KLHL29: variants seen among roughly 807,000 people sequenced by gnomAD.
The protein encoded by KLHL29 is kelch-like protein 29.
Under a neutral mutation model 80.4 loss-of-function variants are expected in KLHL29, and 21 were observed. The observed-to-expected ratio is 0.26, with a 90% CI of 0.19 to 0.38. The LOEUF is 0.38. KLHL29 is among the 10% of genes least tolerant of loss of function. The pLI, the probability that KLHL29 is intolerant of heterozygous loss-of-function variation, is 1.00. For missense variants in KLHL29, 867 were observed against 1,223.9 expected (o/e 0.71, Z 4.35); for synonymous variants, 511 against 526.8 (o/e 0.97, Z 0.41).
At chr2:23,398,857 C>T (rs1364329260) in intron 1 of KLHL29, among the ~76,000 whole-genome samples, 1 of 145,546 alleles carries the variant, frequency 6.9e-6, no homozygotes, top group African/African-American at 2.5e-5. Flanking sequence ...AGTCCATCTA[C>T]AGGGAGAAAT....
At chr2:23,581,608 T>C (rs981952353) in intron 3 of KLHL29, among the ~76,000 whole-genome samples, 1 of 152,020 alleles carries the variant, frequency 6.6e-6, no homozygotes, top group East Asian at 1.9e-4. Flanking sequence ...GGCGGATCAC[T>C]TGAGGTCAGG....
intron 5 of KLHL29, among the ~76,000 whole-genome samples, chr2:23,649,104 C>T (rs928067978): frequency 3.3e-5 from 5 of 152,180 alleles, no homozygotes; most frequent in Admixed American, 6.5e-5. Context: ...TCTGGAGCAC[C>T]TTAGCCTCAG....
At chr2:23,538,909 A>G (rs1408232303) in intron 2 of KLHL29, among the ~76,000 whole-genome samples, 4 of 152,358 alleles carry the variant, frequency 2.6e-5, no homozygotes, top group African/African-American at 2.4e-5. Flanking sequence ...TTCATCATCA[A>G]TCCCTCCGGC....
chr2:23,463,719 A>C (rs926193606), intron 1 of KLHL29, among the ~76,000 whole-genome samples: 1 of 152,134 alleles, frequency 6.6e-6, no homozygotes. Context: ...CCTTCTGACC[A>C]CCTTTCTGCC....
intron 2 of KLHL29, among the ~76,000 whole-genome samples, chr2:23,561,096 G>A (rs994018059): frequency 2.6e-5 from 4 of 152,196 alleles, no homozygotes; most frequent in African/African-American, 9.6e-5. Context: ...GCCATGCCCA[G>A]GGCTGTGGGT....
chr2:23,519,896 G>A (rs890297444), intron 2 of KLHL29, among the ~76,000 whole-genome samples: 1 of 96,570 alleles, frequency 1.0e-5, no homozygotes, highest in African/African-American at 2.9e-5. Context: ...TCCAAAGGAG[G>A]CAATCAGATA....
chr2:23,467,676 A>G (rs540387586), intron 1 of KLHL29, among the ~76,000 whole-genome samples: 1 of 152,344 alleles, frequency 6.6e-6, no homozygotes, highest in South Asian at 2.1e-4. Flanking sequence ...GAAAGGCAGA[A>G]TCATGAAATA....
At chr2:23,604,960 A>G (rs1668667447) in intron 3 of KLHL29, among the ~76,000 whole-genome samples, 1 of 152,154 alleles carries the variant, frequency 6.6e-6, no homozygotes, top group Admixed American at 6.5e-5. Context: ...GGAAATAGGA[A>G]GGGCTGTTGG....
intron 2 of KLHL29, among the ~76,000 whole-genome samples, chr2:23,545,265 G>C (rs889874382): frequency 6.6e-6 from 1 of 152,208 alleles, no homozygotes; most frequent in Non-Finnish European, 1.5e-5. Context: ...ACTGGCTTCA[G>C]AGTCGGGCAC....
intron 1 of KLHL29, among the ~76,000 whole-genome samples, chr2:23,398,069 CAT>C (rs1666496773): frequency 1.3e-5 from 2 of 152,328 alleles, no homozygotes; most frequent in African/African-American, 4.8e-5. Flanking sequence ...AAAAATTAAA[CAT>C]AGAATTATCA....
intron 5 of KLHL29, among the ~76,000 whole-genome samples, chr2:23,660,237 A>G (rs976987293): frequency 1.3e-5 from 2 of 152,194 alleles, no homozygotes; most frequent in Non-Finnish European, 2.9e-5. Context: ...TGCCTCACCA[A>G]CTGAAAGACA....
Position 23,693,391 on chromosome 2 carries a change from CAGG to C in KLHL29, c.1411_1413del (p.Glu471del). ...GCAGATCTTCCCCGAGGTGGCCGCCCAGGAGGAGATCCTCAGCATCTCCAAGGA... is the reference window on the plus strand; with the variant it reads ...GCAGATCTTCCCCGAGGTGGCCGCCCAGGAGATCCTCAGCATCTCCAAGGA... On this transcript the variant is annotated inframe_deletion, in exon 8 of 14. Coordinates refer to ENST00000486442, the MANE Select transcript of KLHL29 (RefSeq NM_052920.2). 1 of 1,551,762 alleles carries C rather than the reference CAGG, an allele frequency of 6.4e-7. No individual in the cohort carries two copies. The highest frequency in any genetic ancestry group is 8.7e-7 in the Non-Finnish European group (1 of 1,146,984).
chr2:23,575,466 CATT>C (rs1667821118), intron 3 of KLHL29, among the ~76,000 whole-genome samples: 2 of 152,188 alleles, frequency 1.3e-5, no homozygotes, highest in Non-Finnish European at 2.9e-5. Flanking sequence ...CCAGCATCAT[CATT>C]GTCATTGTCA....
intron 1 of KLHL29, among the ~76,000 whole-genome samples, chr2:23,411,341 C>T (rs184558142): frequency 6.7e-4 from 99 of 148,448 alleles, no homozygotes; most frequent in Non-Finnish European, 1.8e-4. Context: ...GAAGTAGTTC[C>T]CATGCCTGGA....
At chr2:23,506,372 T>C (rs921076340) in intron 2 of KLHL29, among the ~76,000 whole-genome samples, 1 of 152,206 alleles carries the variant, frequency 6.6e-6, no homozygotes, top group Non-Finnish European at 1.5e-5. Flanking sequence ...ATGGAACTAA[T>C]ACCTTCCCTA....
intron 1 of KLHL29, among the ~76,000 whole-genome samples, chr2:23,438,491 A>G (rs1663410975): frequency 7.0e-6 from 1 of 142,336 alleles, no homozygotes; most frequent in Non-Finnish European, 1.5e-5. Flanking sequence ...TCCCATCAAT[A>G]CCTAATTTAT....
At chr2:23,536,619 G>A (rs923242016) in intron 2 of KLHL29, among the ~76,000 whole-genome samples, 3 of 152,148 alleles carry the variant, frequency 2.0e-5, no homozygotes, top group Non-Finnish European at 2.9e-5. Flanking sequence ...CCTGTGAAGG[G>A]GGCTGCCAAC....
chr2:23,634,943 A>G (rs1197517158), intron 3 of KLHL29, among the ~76,000 whole-genome samples: 3 of 85,104 alleles, frequency 3.5e-5, no homozygotes, highest in African/African-American at 5.5e-5. Flanking sequence ...CCCTGCCCTC[A>G]TGGAGTCATG....
chr2:23,427,463 T>G (rs919174440), intron 1 of KLHL29, among the ~76,000 whole-genome samples: 2 of 152,234 alleles, frequency 1.3e-5, no homozygotes, highest in African/African-American at 4.8e-5. Flanking sequence ...TTCTAGGTGT[T>G]AACAGTAACT....
Sources: gnomAD v4.1 joint callset for allele counts (sites outside exome capture counted in the v4.1 genomes callset) on GRCh38, gnomAD v4.1.1 for gene constraint, MANE v1.5 for transcripts, NCBI Gene and HGNC (gene_info 2026-07-23, HGNC 2026-07-21) for gene names.